ASTN2: variants seen among roughly 807,000 people sequenced by gnomAD.
ASTN2 encodes astrotactin 2, also known as astrotactin-2.
Under a neutral mutation model 139.8 loss-of-function variants are expected in ASTN2, and 54 were observed. The ratio of observed to expected loss-of-function variants is 0.39; its 90% CI spans 0.31 to 0.48. The LOEUF is 0.48. Ranked by LOEUF, ASTN2 falls within the 20% of genes least tolerant of loss-of-function variation. The pLI is 0.95. For missense variants in ASTN2, 1,565 were observed against 1,725.1 expected, an observed-to-expected ratio of 0.91 and a Z score of 1.64; for synonymous variants, 756 against 719.5, an observed-to-expected ratio of 1.05 and a Z score of -0.81.
chr9:117,049,826 G>A (rs1212511963), intron 5 of ASTN2, among the ~76,000 whole-genome samples: 3 of 152,262 alleles, frequency 2.0e-5, no homozygotes, highest in South Asian at 2.1e-4. Context: ...ACTATTCAAC[G>A]TATATTTAGC....
intron 2 of ASTN2, among the ~76,000 whole-genome samples, chr9:117,268,057 A>G (rs921508316): frequency 1.3e-5 from 2 of 152,186 alleles, no homozygotes; most frequent in African/African-American, 4.8e-5. Context: ...AAGCACTGGA[A>G]TAGATTATAA....
At chr9:117,343,345 G>A (rs1466501111) in intron 1 of ASTN2, among the ~76,000 whole-genome samples, 2 of 152,052 alleles carry the variant, frequency 1.3e-5, no homozygotes, top group African/African-American at 4.8e-5. Flanking sequence ...CTTGTACATA[G>A]CTTACTCATG....
At chr9:116,950,838 G>C (rs943025186) in intron 10 of ASTN2, among the ~76,000 whole-genome samples, 11 of 152,220 alleles carry the variant, frequency 7.2e-5, no homozygotes, top group African/African-American at 2.4e-4. Flanking sequence ...CCCCTTTGCA[G>C]TAAGTGTCCT....
At position 116,526,068 on chromosome 9, in the gene ASTN2, G is replaced by A. The variant is rs143371104; in HGVS notation, c.3356-38568C>T. Among the ~76,000 whole-genome samples, 193 of 152,192 alleles carry A rather than the reference G, an allele frequency of 1.3e-3. 1 individual carries two copies. The highest frequency in any genetic ancestry group is 4.5e-3 in the African/African-American group (185 of 41,502). On this transcript the variant is annotated intron_variant, in intron 19 of 22. Transcript: ENST00000313400. ...CCGGCTCAAGTGCCATCTTCTCTAG[G>A]AAGACCTCTGTTATCCAAAACCTCC...
At chr9:116,458,374 T>C (rs904036953) in intron 20 of ASTN2, among the ~76,000 whole-genome samples, 5 of 151,890 alleles carry the variant, frequency 3.3e-5, no homozygotes, top group Admixed American at 1.3e-4. Flanking sequence ...AATTGAAAAG[T>C]TCATAACACA....
At chr9:117,236,480 T>C (rs1016465001) in intron 2 of ASTN2, among the ~76,000 whole-genome samples, 2 of 152,144 alleles carry the variant, frequency 1.3e-5, no homozygotes, top group Non-Finnish European at 2.9e-5. Flanking sequence ...TGATAAGCAA[T>C]GAAGAGGGAG....
At chr9:116,932,780 T>G (rs1024834775) in intron 10 of ASTN2, among the ~76,000 whole-genome samples, 20 of 151,494 alleles carry the variant, frequency 1.3e-4, no homozygotes, top group Non-Finnish European at 2.4e-4. Flanking sequence ...CCACGGCGGG[T>G]GGATCACTTG....
intron 5 of ASTN2, 122 bp downstream of exon 5, chr9:117,095,922 A>AAG: frequency 2.4e-6 from 2 of 823,214 alleles, no homozygotes; most frequent in Non-Finnish European, 3.9e-6. Context: ...TACTAAGCTC[A>AAG]GTTTTAACCA....
intron 11 of ASTN2, among the ~76,000 whole-genome samples, chr9:116,855,298 A>C (rs967795865): frequency 6.6e-6 from 1 of 152,358 alleles, no homozygotes; most frequent in East Asian, 1.9e-4. Flanking sequence ...ATGCAAATGC[A>C]CTGATTGGAA....
At chr9:116,592,322 T>C (rs1160522668) in intron 19 of ASTN2, among the ~76,000 whole-genome samples, 1 of 151,888 alleles carries the variant, frequency 6.6e-6, no homozygotes, top group African/African-American at 2.4e-5. Context: ...GGGCAGAAGA[T>C]GAAGGGGAAG....
At chr9:117,153,045 A>G (rs1244199802) in intron 3 of ASTN2, among the ~76,000 whole-genome samples, 1 of 152,080 alleles carries the variant, frequency 6.6e-6, no homozygotes, top group East Asian at 1.9e-4. Flanking sequence ...GCCTCAGTAT[A>G]GATAGAGTAC....
chr9:117,121,138 C>T (rs896254777), intron 4 of ASTN2, among the ~76,000 whole-genome samples: 12 of 152,194 alleles, frequency 7.9e-5, no homozygotes, highest in Admixed American at 5.9e-4. Flanking sequence ...GGTCTTGCCC[C>T]AGGGCTTTAT....
Position 116,664,852 on chromosome 9 carries a change from G to C in ASTN2, c.2807-13059C>G, listed in dbSNP as rs375183989. ...GGTCTTATCACCAGCTGTAATATTG[G>C]TGATATAGCTTGGATGTTTGTCCCC... On this transcript the variant is annotated intron_variant, in intron 16 of 22. Coordinates refer to ENST00000313400, the MANE Select transcript of ASTN2 (RefSeq NM_001365068.1). Among the ~76,000 whole-genome samples the C allele has an allele frequency of 7.9e-5, 12 of 152,228 alleles. 2 individuals are homozygous for C. Among genetic ancestry groups the C allele is most frequent in the African/African-American group, 2.6e-4 (11 of 41,554 alleles).
At chr9:116,460,534 C>G (rs1848455448) in intron 20 of ASTN2, among the ~76,000 whole-genome samples, 1 of 152,064 alleles carries the variant, frequency 6.6e-6, no homozygotes, top group Non-Finnish European at 1.5e-5. Flanking sequence ...ACATCTCCCA[C>G]CCCAACCCTT....
At chr9:116,896,240 A>T (rs116433267) in intron 10 of ASTN2, among the ~76,000 whole-genome samples, 241 of 152,356 alleles carry the variant, frequency 1.6e-3, no homozygotes, top group African/African-American at 5.6e-3. Context: ...AATTGAGCCA[A>T]GGAATGGAGG....
chr9:117,271,385 T>C (rs746669336), intron 2 of ASTN2, among the ~76,000 whole-genome samples: 3 of 152,246 alleles, frequency 2.0e-5, no homozygotes, highest in Admixed American at 6.5e-5. Context: ...GTGGGAATTC[T>C]GGGAGATACA....
At chr9:116,840,935 A>G (rs1461717041) in intron 11 of ASTN2, among the ~76,000 whole-genome samples, 2 of 150,550 alleles carry the variant, frequency 1.3e-5, no homozygotes, top group Non-Finnish European at 3.0e-5. Context: ...CCCAGACGAT[A>G]GGCGGCCAGG....
intron 5 of ASTN2, among the ~76,000 whole-genome samples, chr9:117,077,619 G>A (rs1370477295): frequency 5.9e-5 from 9 of 152,028 alleles, no homozygotes; most frequent in Non-Finnish European, 8.8e-5. Flanking sequence ...ATGGTGGCAA[G>A]CACCTGTAAT....
chr9:116,807,734 C>G (rs1305482376), intron 12 of ASTN2, among the ~76,000 whole-genome samples: 1 of 152,114 alleles, frequency 6.6e-6, no homozygotes, highest in African/African-American at 2.4e-5. Flanking sequence ...TTCTCTCTCT[C>G]TCTTTATTTC....
Sources: gnomAD v4.1 joint callset for allele counts (sites outside exome capture counted in the v4.1 genomes callset) on GRCh38, gnomAD v4.1.1 for gene constraint, MANE v1.5 for transcripts, NCBI Gene and HGNC (gene_info 2026-07-23, HGNC 2026-07-21) for gene names.